NCOA2: variants seen among roughly 807,000 people sequenced by gnomAD.
NCOA2 encodes the protein class E basic helix-loop-helix protein 75.
A neutral mutation model predicts 145.1 loss-of-function variants in NCOA2; 21 were observed. That is an observed-to-expected ratio of 0.14 (90% CI 0.10 to 0.21). The LOEUF (loss-of-function observed/expected upper bound fraction) is 0.21, where lower values mean the gene tolerates loss of function less well. NCOA2 is among the 10% of genes least tolerant of loss of function. The pLI is 1.00. For missense variants in NCOA2, 1,472 were observed against 1,837.6 expected (o/e 0.80, Z 3.64); for synonymous variants, 619 against 637.5 (o/e 0.97, Z 0.44).
rs778211853 is a variant in NCOA2, at chr8:70,128,915, C to A, written c.3390G>T (p.Ala1130=). The A allele has an allele frequency of 3.1e-6, 5 of 1,612,510 alleles. No homozygotes were observed. In the East Asian group the frequency reaches 6.7e-5, roughly 22 times the overall value. ...QDSNIMLEQK[A]PVFPQQYASQ... ...ATGCATACTGCTGTGGGAAAACGGG[C>A]GCCTTCTGCTCCAGCATGATGTTGG... The change falls in exon 17 of 23, where the codon GCG becomes GCT. Residue 1130 remains alanine (A), a synonymous_variant. Coordinates refer to ENST00000452400, the MANE Select transcript of NCOA2 (RefSeq NM_006540.4).
the NCOA2 span, among the ~76,000 whole-genome samples, chr8:70,409,729 G>T: frequency 6.6e-6 from 1 of 152,074 alleles, no homozygotes; most frequent in East Asian, 1.9e-4. Flanking sequence ...AAAAAGCCAG[G>T]TGTGGTGGCA....
At chr8:70,164,715 TTTC>T (rs1410820826) in intron 7 of NCOA2, among the ~76,000 whole-genome samples, 1 of 152,072 alleles carries the variant, frequency 6.6e-6, no homozygotes, top group Non-Finnish European at 1.5e-5. Context: ...TCATGTATTA[TTTC>T]TTCAACAAGA....
At chr8:70,279,071 G>T (rs754883530) in intron 2 of NCOA2, among the ~76,000 whole-genome samples, 1 of 151,932 alleles carries the variant, frequency 6.6e-6, no homozygotes, top group Non-Finnish European at 1.5e-5. Context: ...CAAGCAAAAG[G>T]CCCTTGGATG....
At position 70,225,527 on chromosome 8, in the gene NCOA2, C is replaced by T. The variant is rs555963924; in HGVS notation, c.-19-8763G>A. Among the ~76,000 whole-genome samples the T allele has an allele frequency of 4.6e-4, 68 of 147,080 alleles. 1 individual carries two copies. Among genetic ancestry groups the T allele is most frequent in the Admixed American group, 3.6e-3 (52 of 14,628 alleles). On this transcript the variant is annotated intron_variant, in intron 2 of 22. Coordinates refer to ENST00000452400, the MANE Select transcript of NCOA2 (RefSeq NM_006540.4). ...TTGTGCCATTGCACTCCAGCCTGGG[C>T]GACAGAGTGAGACTCTGTCTCAAAA...
chr8:70,329,310 G>A (rs182086832), intron 1 of NCOA2, among the ~76,000 whole-genome samples: 2 of 152,056 alleles, frequency 1.3e-5, no homozygotes, highest in East Asian at 3.9e-4. Flanking sequence ...AGAGATGGGA[G>A]TTCGCCATGT....
intron 4 of NCOA2, among the ~76,000 whole-genome samples, chr8:70,181,889 AC>A (rs1815524292): frequency 6.6e-6 from 1 of 152,236 alleles, no homozygotes; most frequent in Admixed American, 6.5e-5. Context: ...CAAAGAAGTC[AC>A]TGAAACAATG....
At chr8:70,395,102 T>C (rs1813536088) in intron 1 of NCOA2, among the ~76,000 whole-genome samples, 1 of 152,248 alleles carries the variant, frequency 6.6e-6, no homozygotes, top group Admixed American at 6.5e-5. Flanking sequence ...ATCTTGATTG[T>C]ATTCTTTTCA....
chr8:70,326,459 ACACACACACACATG>A (rs1306259777), intron 1 of NCOA2, among the ~76,000 whole-genome samples: 15 of 151,080 alleles, frequency 9.9e-5, no homozygotes, highest in South Asian at 4.2e-4. Context: ...ACGTGCACAC[ACACACACACACATG>A]CACACACACA....
At chr8:70,245,413 T>C (rs1004892523) in intron 2 of NCOA2, 2 of 152,136 alleles carry the variant, frequency 1.3e-5, no homozygotes, top group East Asian at 1.9e-4. Flanking sequence ...AATAGCCTTT[T>C]CTGCAGTCAC....
At chr8:70,172,221 A>G (rs1585947305) in intron 5 of NCOA2, among the ~76,000 whole-genome samples, 1 of 152,296 alleles carries the variant, frequency 6.6e-6, no homozygotes, top group East Asian at 1.9e-4. Context: ...CTGTAATCCC[A>G]AAGTGCTGGG....
At chr8:70,346,937 G>T (rs1808710630) in intron 1 of NCOA2, among the ~76,000 whole-genome samples, 1 of 152,138 alleles carries the variant, frequency 6.6e-6, no homozygotes, top group African/African-American at 2.4e-5. Flanking sequence ...AACTACAAAG[G>T]CATCATTTTA....
the NCOA2 span, among the ~76,000 whole-genome samples, chr8:70,453,270 A>G: frequency 2.0e-5 from 3 of 152,228 alleles, no homozygotes; most frequent in African/African-American, 7.2e-5. Context: ...GCGTTGGCCC[A>G]CATCGAAATG....
At chr8:70,378,173 G>A (rs1158711790) in intron 1 of NCOA2, among the ~76,000 whole-genome samples, 1 of 152,114 alleles carries the variant, frequency 6.6e-6, no homozygotes, top group East Asian at 1.9e-4. Context: ...AACTGACCTG[G>A]AGCAGTGGCT....
At chr8:70,380,485 T>G (rs1489483083) in intron 1 of NCOA2, among the ~76,000 whole-genome samples, 2 of 152,148 alleles carry the variant, frequency 1.3e-5, no homozygotes, top group African/African-American at 2.4e-5. Flanking sequence ...CTACTAATTT[T>G]TTTCATTCAC....
intron 2 of NCOA2, among the ~76,000 whole-genome samples, chr8:70,262,892 T>C (rs1824255876): frequency 6.6e-6 from 1 of 152,138 alleles, no homozygotes; most frequent in African/African-American, 2.4e-5. Flanking sequence ...GTTTAACTTA[T>C]AAATTAGACA....
At chr8:70,421,735 C>T in the NCOA2 span, among the ~76,000 whole-genome samples, 9 of 150,684 alleles carry the variant, frequency 6.0e-5, no homozygotes, top group Admixed American at 4.0e-4. Flanking sequence ...TAGATGCATA[C>T]GTGTGGTGAG....
intron 2 of NCOA2, among the ~76,000 whole-genome samples, chr8:70,223,732 T>A (rs1820363017): frequency 6.6e-6 from 1 of 152,172 alleles, no homozygotes. Context: ...ATGAGGAAAT[T>A]GAGGTACACG....
chr8:70,430,999 G>C, the NCOA2 span, among the ~76,000 whole-genome samples: 2 of 152,108 alleles, frequency 1.3e-5, no homozygotes, highest in Non-Finnish European at 1.5e-5. Context: ...AAAACAAGCT[G>C]TATGTTGGAG....
At chr8:70,138,015 G>T (rs914017950) in intron 15 of NCOA2, 188 bp downstream of exon 15, 2 of 437,398 alleles carry the variant, frequency 4.6e-6, no homozygotes, top group Non-Finnish European at 7.8e-6. Flanking sequence ...CATTTAATTT[G>T]TAACTCCTTT....
Sources: gnomAD v4.1 joint callset for allele counts (sites outside exome capture counted in the v4.1 genomes callset) on GRCh38, gnomAD v4.1.1 for gene constraint, MANE v1.5 for transcripts, NCBI Gene and HGNC (gene_info 2026-07-23, HGNC 2026-07-21) for gene names.